Variants in C16orf95 observed in about 807,000 individuals in gnomAD.
C16orf95 encodes the protein uncharacterized protein C16orf95.
C16orf95 carries 41 observed loss-of-function variants against 32.1 expected under a neutral mutation model. The ratio of observed to expected loss-of-function variants is 1.28; its 90% confidence interval spans 1.00 to 1.66. C16orf95 has a LOEUF of 1.66. C16orf95 is among the 40% of genes most tolerant of loss of function. The pLI, the probability that C16orf95 is intolerant of heterozygous loss-of-function variation, is 0.00. For missense variants in C16orf95, 399 were observed against 325.9 expected (o/e 1.22, Z -1.73); for synonymous variants, 147 against 128.9 (o/e 1.14, Z -0.95).
chr16:87,307,292 G>A (rs574666345), intron 5 of C16orf95, among the ~76,000 whole-genome samples: 4 of 152,326 alleles, frequency 2.6e-5, no homozygotes, highest in African/African-American at 7.2e-5. Flanking sequence ...GTAATGGTGG[G>A]TGTGGAGGTC....
Position 87,317,261 on chromosome 16 carries a change from CG to C in C16orf95, c.-20del. On this transcript the variant is annotated 5_prime_UTR_variant, in exon 1 of 7. Transcript: ENST00000567970. Reference sequence around the variant, plus strand: ...CACGCATATGGCTTCTTATGGCTGACGCGCCCTTTCACACACACATCGTCCG... The same window carrying C: ...CACGCATATGGCTTCTTATGGCTGACCGCCCTTTCACACACACATCGTCCG... The C allele has an allele frequency of 6.6e-7, 1 of 1,506,950 alleles. No individual in the cohort carries two copies. The highest frequency in any genetic ancestry group is 8.8e-7 in the Non-Finnish European group (1 of 1,130,444). The allele number at this position is 1,506,950 out of a possible 1,614,324, so 93.3% of individuals were successfully genotyped here. A position where few individuals can be genotyped will look rare whatever the true frequency, so the allele number is the denominator to read the frequency against.
In C16orf95 at chr16:87,317,030, G is replaced by A. The variant is rs1002475980; in HGVS notation, c.152+61C>T. The A allele has an allele frequency of 3.4e-6, 5 of 1,457,840 alleles. No homozygotes were observed. The Admixed American group carries it at 9.3e-5, about 27-fold the overall frequency. The allele number at this position is 1,457,840 out of a possible 1,614,324, so 90.3% of individuals were successfully genotyped here. A position where few individuals can be genotyped will look rare whatever the true frequency, so the allele number is the denominator to read the frequency against. ...TGTGCATAGGTCATGGAGCAATGCC[G>A]GGCCGGGAACTCACAGGCGAGGTGT... On this transcript the variant is annotated intron_variant, in intron 1 of 6. Coordinates refer to ENST00000567970, the MANE Select transcript of C16orf95 (RefSeq NM_001195124.3).
At chr16:87,309,408 G>C (rs1413981833) in intron 5 of C16orf95, among the ~76,000 whole-genome samples, 3 of 93,218 alleles carry the variant, frequency 3.2e-5, no homozygotes, top group African/African-American at 1.4e-4. Context: ...TTTGTAGACA[G>C]AGTCTCACTC....
At position 87,317,054 on chromosome 16, in the gene C16orf95, G is replaced by A. The variant is rs745999394; in HGVS notation, c.152+37C>T. ...CGGGCCGGGAACTCACAGGCGAGGT[G>A]TCGGGTAGCCGCGGGCAGGATTCAG... On this transcript the variant is annotated intron_variant, in intron 1 of 6. Transcript: ENST00000567970. The A allele has an allele frequency of 5.4e-6, 8 of 1,475,326 alleles. No individual in the cohort carries two copies. The South Asian group carries it at 9.2e-5, about 17-fold the overall frequency. 91.4% of individuals were successfully genotyped at this position (1,475,326 alleles called of 1,614,324 possible). A position where few individuals can be genotyped will look rare whatever the true frequency, so the allele number is the denominator to read the frequency against.
chr16:87,313,832 C>T (rs1010780165), intron 3 of C16orf95, among the ~76,000 whole-genome samples: 1 of 151,998 alleles, frequency 6.6e-6, no homozygotes, highest in Non-Finnish European at 1.5e-5. Context: ...AAAGAACTAT[C>T]AAAACTCAGT....
Position 87,317,225 on chromosome 16 carries a change from G to A in C16orf95, c.18C>T (p.Ser6=), listed in dbSNP as rs59568599. MRASR[S]PPSPRRCHHH... ...GGTGACAACGCCGCGGGGACGGTGG[G>A]GACCGGCTCGCACGCATATGGCTTC... The change falls in exon 1 of 7, where the codon TCC becomes TCT. Residue 6 remains serine, a synonymous_variant. Coordinates refer to ENST00000567970, the MANE Select transcript of C16orf95 (RefSeq NM_001195124.3). 2,142 of 1,528,466 alleles carry A rather than the reference G, an allele frequency of 1.4e-3. 25 individuals are homozygous for A. In the African/African-American group the frequency reaches 0.025, roughly 18 times the overall value. The allele number at this position is 1,528,466 out of a possible 1,614,324, so 94.7% of individuals were successfully genotyped here. A position where few individuals can be genotyped will look rare whatever the true frequency, so the allele number is the denominator to read the frequency against.
intron 3 of C16orf95, 151 bp downstream of exon 3, chr16:87,314,820 G>C: frequency 1.2e-6 from 1 of 815,290 alleles, no homozygotes; most frequent in Non-Finnish European, 1.8e-6. Flanking sequence ...TTACCCATCT[G>C]ACATGAAAAT....
intron 5 of C16orf95, among the ~76,000 whole-genome samples, chr16:87,309,260 C>G (rs1032496592): frequency 6.6e-6 from 1 of 150,822 alleles, no homozygotes; most frequent in East Asian, 2.0e-4. Flanking sequence ...AGATCCTGTT[C>G]AGATATGTTA....
At chr16:87,316,656 G>T (rs534121091) in intron 1 of C16orf95, among the ~76,000 whole-genome samples, 7 of 152,048 alleles carry the variant, frequency 4.6e-5, no homozygotes, top group African/African-American at 7.2e-5. Context: ...GGGAGGGGGG[G>T]GGCCACAGCC....
Position 87,310,351 on chromosome 16 carries a change from A to T in C16orf95, c.478-18T>A, listed in dbSNP as rs1439506943. 1 of 1,535,916 alleles carries T rather than the reference A, an allele frequency of 6.5e-7. No homozygotes were observed. Among genetic ancestry groups the T allele is most frequent in the Non-Finnish European group, 8.7e-7 (1 of 1,146,894 alleles). On this transcript the variant is annotated intron_variant, in intron 4 of 6. Transcript: ENST00000567970. ...CTGACTATCTAAAAGACAAGAATGGAGGCAAGCAGTCAGCCTGGCGACCCT... is the reference window on the plus strand; with the variant it reads ...CTGACTATCTAAAAGACAAGAATGGTGGCAAGCAGTCAGCCTGGCGACCCT...
At chr16:87,315,457 C>A (rs990897619) in intron 2 of C16orf95, among the ~76,000 whole-genome samples, 14 of 152,238 alleles carry the variant, frequency 9.2e-5, no homozygotes, top group Non-Finnish European at 1.6e-4. Context: ...CTCTGGTGTG[C>A]AAGAGCTTCC....
Position 87,309,447 on chromosome 16 carries a change from G to A in C16orf95, c.514+850C>T, listed in dbSNP as rs1321366848. On this transcript the variant is annotated intron_variant, in intron 5 of 6. Transcript: ENST00000567970. Reference sequence around the variant, plus strand: ...TGCCCAGGCTGGAGTGCAATGGTGTGATCTCAGCTCACTGCAACCTCTGCC... The same window carrying A: ...TGCCCAGGCTGGAGTGCAATGGTGTAATCTCAGCTCACTGCAACCTCTGCC... Among the ~76,000 whole-genome samples, 6 of 123,072 alleles carry A rather than the reference G, an allele frequency of 4.9e-5. No individual in the cohort carries two copies. The Admixed American group carries it at 6.1e-4, about 12-fold the overall frequency. 80.7% of individuals were successfully genotyped at this position (123,072 alleles called of 152,430 possible). A position where few individuals can be genotyped will look rare whatever the true frequency, so the allele number is the denominator to read the frequency against.
intron 6 of C16orf95, 37 bp from the exon 7 acceptor site, chr16:87,303,112 C>G (rs564744086): frequency 1.3e-6 from 2 of 1,535,970 alleles, no homozygotes; most frequent in South Asian, 2.4e-5. Flanking sequence ...AGGACCCGGC[C>G]CCAGGCTGAG....
At chr16:87,307,953 C>T (rs1911100858) in intron 5 of C16orf95, among the ~76,000 whole-genome samples, 1 of 151,964 alleles carries the variant, frequency 6.6e-6, no homozygotes, top group Non-Finnish European at 1.5e-5. Flanking sequence ...AATGGGTGCC[C>T]TTTAAAGATT....
In C16orf95 at chr16:87,305,643, A is replaced by T; in HGVS notation, c.701+76T>A. 7.5e-7 allele frequency: 1 copy of T among 1,327,608 alleles called. No homozygotes were observed. Among genetic ancestry groups the T allele is most frequent in the Non-Finnish European group, 1.0e-6 (1 of 1,003,234 alleles). 82.2% of individuals were successfully genotyped at this position (1,327,608 alleles called of 1,614,324 possible). On this transcript the variant is annotated intron_variant, in intron 6 of 6. Coordinates refer to ENST00000567970, the MANE Select transcript of C16orf95 (RefSeq NM_001195124.3). The surrounding 1 kb of genome is among the most constrained non-coding windows in gnomAD (Gnocchi z 4.2). ...CACCCCCCACTCTTCCACATCCCTG[A>T]TGGCCACCAAGCCTCCCTCAGGTGG...
intron 5 of C16orf95, among the ~76,000 whole-genome samples, chr16:87,308,405 C>G (rs556340973): frequency 6.6e-5 from 10 of 152,098 alleles, no homozygotes; most frequent in Admixed American, 6.6e-4. Flanking sequence ...CACTTGAACC[C>G]AGGAGGCGGA....
In C16orf95 at chr16:87,315,798, T is replaced by C. The variant is rs1904318731; in HGVS notation, c.178A>G (p.Lys60Glu). ...GAATGACGGGGGAGGCACACTTCTT[T>C]CTTGTAGGTTTGAAATGTGCTATTC... Reference protein sequence around the residue: ...GRNSTFQTYKKEVCLPRHSMH... With the variant: ...GRNSTFQTYKEEVCLPRHSMH... The change falls in exon 2 of 7, where the codon AAA becomes GAA. Residue 60 changes from lysine to glutamate, a missense_variant. Physicochemically the swap from Lys to Glu is moderately conservative, Grantham distance 56. Transcript: ENST00000567970. 3 of 1,531,042 alleles carry C rather than the reference T, an allele frequency of 2.0e-6. No individual in the cohort carries two copies. Among genetic ancestry groups the C allele is most frequent in the Non-Finnish European group, 2.6e-6 (3 of 1,144,414 alleles). 94.8% of individuals were successfully genotyped at this position (1,531,042 alleles called of 1,614,324 possible).
chr16:87,310,113 T>C (rs1911213656), intron 5 of C16orf95, among the ~76,000 whole-genome samples, 184 bp downstream of exon 5: 1 of 152,112 alleles, frequency 6.6e-6, no homozygotes, highest in Non-Finnish European at 1.5e-5. Flanking sequence ...CTGGGCTCAC[T>C]GGGGGAAGGC....
intron 5 of C16orf95, 175 bp from the exon 6 acceptor site, chr16:87,306,080 G>C (rs1319178206): frequency 4.4e-6 from 2 of 455,318 alleles, no homozygotes; most frequent in Non-Finnish European, 7.6e-6. Flanking sequence ...GCCGTCTTGC[G>C]GGTTTATGAT....
Sources: gnomAD v4.1 joint callset for allele counts (sites outside exome capture counted in the v4.1 genomes callset) on GRCh38, gnomAD v4.1.1 for gene constraint, Gnocchi (gnomAD v3.1) non-coding constraint, MANE v1.5 for transcripts, NCBI Gene and HGNC (gene_info 2026-07-23, HGNC 2026-07-21) for gene names.